AVPR1B: variants seen among roughly 807,000 people sequenced by gnomAD.
AVPR1B encodes the protein vasopressin V1b receptor.
AVPR1B carries 25 observed loss-of-function variants against 27.5 expected under a neutral mutation model. That is an observed-to-expected ratio of 0.91 (90% CI 0.66 to 1.27). AVPR1B has a LOEUF of 1.27. AVPR1B is among the 50% of genes most tolerant of loss of function. The probability of loss-of-function intolerance (pLI) is 0.00; values close to 1 mark genes in which losing one functional copy is unlikely to be tolerated. For missense variants in AVPR1B, 595 were observed against 556.9 expected (o/e 1.07, Z -0.69); for synonymous variants, 248 against 240.2 (o/e 1.03, Z -0.30).
At chr1:206,113,777 T>G (rs1553290165) in intron 1 of AVPR1B, among the ~76,000 whole-genome samples, 3 of 152,184 alleles carry the variant, frequency 2.0e-5, no homozygotes. Flanking sequence ...CCAAGCTCTA[T>G]CTCTCACTAG....
Position 206,110,384 on chromosome 1 carries a change from C to G in AVPR1B, c.1080G>C (p.Gln360His). The change falls in exon 2 of 2, where the codon CAG becomes CAC. Residue 360 changes from glutamine to histidine, a missense_variant. Gln to His is a conservative substitution (Grantham distance 24, BLOSUM62 0). Coordinates refer to ENST00000367126, the MANE Select transcript of AVPR1B (RefSeq NM_000707.5). ...CGGAGAGCCGCCGGCGCATCCTGGGCTGGGGACCCCCACAGCAGGCAAGGT... is the reference window on the plus strand; with the variant it reads ...CGGAGAGCCGCCGGCGCATCCTGGGGTGGGGACCCCCACAGCAGGCAAGGT... ...LRHLACCGGP[Q>H]PRMRRRLSDG... is the part of the protein sequence containing the mutation. 6.2e-7 allele frequency: 1 copy of G among 1,611,880 alleles called. No homozygotes were observed. Among genetic ancestry groups the G allele is most frequent in the Non-Finnish European group, 8.5e-7 (1 of 1,179,284 alleles).
In AVPR1B at chr1:206,110,431, G is replaced by T. The variant is rs1188578991; in HGVS notation, c.1033C>A (p.Leu345Met). ...AGGTGACGCAGGGGCCGCGGTAACA[G>T]GTGGCTGTTGAAGCCCATGTAGATC... ...PWIYMGFNSH[L>M]LPRPLRHLAC... Residue 345 changes from leucine (L) to methionine (M), a missense_variant, in exon 2 of 2, where the codon CTG becomes ATG. Coordinates refer to ENST00000367126, the MANE Select transcript of AVPR1B (RefSeq NM_000707.5). The T allele has an allele frequency of 6.2e-7, 1 of 1,613,870 alleles. No individual in the cohort carries two copies. The highest frequency in any genetic ancestry group is 1.3e-5 in the African/African-American group (1 of 74,928).
rs1663319548 is a variant in AVPR1B, at chr1:206,108,614, C to T, written c.*1575G>A. Among the ~76,000 whole-genome samples, 1 of 152,224 alleles carries T rather than the reference C, an allele frequency of 6.6e-6. No homozygotes were observed. The highest frequency in any genetic ancestry group is 1.5e-5 in the Non-Finnish European group (1 of 68,034). ...ACTTTACAAATGACTTTTATATCCA[C>T]AGTCCTATTTGATTCTCAGAACCAA... is the stretch of plus-strand genomic sequence containing the variant. On this transcript the variant is annotated 3_prime_UTR_variant, in exon 2 of 2. Transcript: ENST00000367126.
intron 1 of AVPR1B, among the ~76,000 whole-genome samples, chr1:206,110,837 T>G (rs1352567771): frequency 2.6e-5 from 4 of 152,202 alleles, no homozygotes; most frequent in Non-Finnish European, 5.9e-5. Flanking sequence ...TCAGCCCAGA[T>G]AGGAGAAACT....
chr1:206,107,339 G>A lies in AVPR1B; in HGVS notation c.*2850C>T, dbSNP rs569656562. Among the ~76,000 whole-genome samples, 4 of 152,298 alleles carry A rather than the reference G, an allele frequency of 2.6e-5. No individual in the cohort carries two copies. Among genetic ancestry groups the A allele is most frequent in the African/African-American group, 9.6e-5 (4 of 41,578 alleles). ...TGGGATTCACCCCAGAGAGCACAGA[G>A]CCTCCTTCTTGCTTCCACAGGGCCC... On this transcript the variant is annotated 3_prime_UTR_variant, in exon 2 of 2. Coordinates refer to ENST00000367126, the MANE Select transcript of AVPR1B (RefSeq NM_000707.5).
At position 206,107,235 on chromosome 1, in the gene AVPR1B, A is replaced by G. The variant is rs782499942; in HGVS notation, c.*2954T>C. On this transcript the variant is annotated 3_prime_UTR_variant, in exon 2 of 2. Transcript: ENST00000367126. ...CTAAAGTACTGTCATTCACAGTCAC[A>G]GGATGGCATAAACAATTTACACAAG... Among the ~76,000 whole-genome samples the G allele has an allele frequency of 6.6e-6, 1 of 152,218 alleles. No individual in the cohort carries two copies. Among genetic ancestry groups the G allele is most frequent in the Non-Finnish European group, 1.5e-5 (1 of 68,044 alleles).
Position 206,107,416 on chromosome 1 carries a change from C to T in AVPR1B, c.*2773G>A, listed in dbSNP as rs943612683. On this transcript the variant is annotated 3_prime_UTR_variant, in exon 2 of 2. Transcript: ENST00000367126. ...CTTCCACTGGCCCAGACTGTCCAGG[C>T]GAGCCTCCTACAGGTCCTGCAGAAC... Among the ~76,000 whole-genome samples the T allele has an allele frequency of 2.0e-5, 3 of 152,122 alleles. No individual in the cohort carries two copies. The highest frequency in any genetic ancestry group is 1.3e-4 in the Admixed American group (2 of 15,274).
Position 206,108,930 on chromosome 1 carries a change from GT to G in AVPR1B, c.*1258del, listed in dbSNP as rs1663323956. Among the ~76,000 whole-genome samples the G allele has an allele frequency of 6.6e-6, 1 of 152,242 alleles. No individual in the cohort carries two copies. Among genetic ancestry groups the G allele is most frequent in the African/African-American group, 2.4e-5 (1 of 41,464 alleles). On this transcript the variant is annotated 3_prime_UTR_variant, in exon 2 of 2. Coordinates refer to ENST00000367126, the MANE Select transcript of AVPR1B (RefSeq NM_000707.5). ...GACAAAAGTGGACAGTATGGCCATG[GT>G]GGGACCCACCGTCACCAGAATTGAG...
In AVPR1B at chr1:206,116,556, T is replaced by C. The variant is rs999982332; in HGVS notation, c.335A>G (p.Tyr112Cys). 1.2e-6 allele frequency: 2 copies of C among 1,614,094 alleles called. No homozygotes were observed. The highest frequency in any genetic ancestry group is 1.3e-5 in the African/African-American group (1 of 75,026). The stretch of plus-strand genomic sequence containing the variant: ...GGCAAACATGCTGAGCACCTGCAGG[T>C]ACTTGACGGCCCTGCACAGGAGGTC... ...GPDLLCRAVK[Y>C]LQVLSMFAST... is the part of the protein sequence containing the mutation. Residue 112 changes from tyrosine to cysteine, a missense_variant, in exon 1 of 2, where the codon TAC becomes TGC. By Grantham distance (194) the Tyr-to-Cys change is radical (BLOSUM62 -2). Coordinates refer to ENST00000367126, the MANE Select transcript of AVPR1B (RefSeq NM_000707.5).
intron 1 of AVPR1B, among the ~76,000 whole-genome samples, chr1:206,114,855 A>G (rs1329790385): frequency 1.3e-5 from 2 of 152,180 alleles, no homozygotes; most frequent in Non-Finnish European, 2.9e-5. Flanking sequence ...TAGAGGTTGG[A>G]TAAAAAGCAG....
At chr1:206,112,440 C>T (rs1553289965) in intron 1 of AVPR1B, among the ~76,000 whole-genome samples, 1 of 152,178 alleles carries the variant, frequency 6.6e-6, no homozygotes. Flanking sequence ...TGATTGGAAG[C>T]TTCCTGAGGC....
chr1:206,111,469 T>A (rs1278533433), intron 1 of AVPR1B, among the ~76,000 whole-genome samples: 1 of 152,214 alleles, frequency 6.6e-6, no homozygotes, highest in African/African-American at 2.4e-5. Flanking sequence ...GTCACCTCAC[T>A]CTTCAGTGGA....
In AVPR1B at chr1:206,108,791, A is replaced by G. The variant is rs1663321406; in HGVS notation, c.*1398T>C. On this transcript the variant is annotated 3_prime_UTR_variant, in exon 2 of 2. Transcript: ENST00000367126. ...AGAATTGGGTTGGGGAAGCTATGCC[A>G]TGATAAAAGTCCCCTGGAGATAATG... Among the ~76,000 whole-genome samples, 1 of 152,260 alleles carries G rather than the reference A, an allele frequency of 6.6e-6. No homozygotes were observed. Among genetic ancestry groups the G allele is most frequent in the Non-Finnish European group, 1.5e-5 (1 of 68,000 alleles).
Position 206,116,139 on chromosome 1 carries a change from G to A in AVPR1B, c.752C>T (p.Ser251Leu). The A allele has an allele frequency of 6.2e-7, 1 of 1,614,106 alleles. No individual in the cohort carries two copies. The highest frequency in any genetic ancestry group is 8.5e-7 in the Non-Finnish European group (1 of 1,179,996). The change falls in exon 1 of 2, where the codon TCA becomes TTA. Residue 251 changes from serine to leucine, a missense_variant. By Grantham distance (145) the Ser-to-Leu change is moderately radical (BLOSUM62 -2). Coordinates refer to ENST00000367126, the MANE Select transcript of AVPR1B (RefSeq NM_000707.5). ...GGGWRTWDRP[S>L]PSTLAATTRG... ...AGTGGTGGCAGCTAAGGTGGAAGGTGAGGGCCTGTCCCAAGTCCTCCAGCC... is the reference window on the plus strand; with the variant it reads ...AGTGGTGGCAGCTAAGGTGGAAGGTAAGGGCCTGTCCCAAGTCCTCCAGCC...
In AVPR1B at chr1:206,110,379, C is replaced by T; in HGVS notation, c.1085G>A (p.Arg362Lys). 6.2e-7 allele frequency: 1 copy of T among 1,611,682 alleles called. No homozygotes were observed. The highest frequency in any genetic ancestry group is 1.7e-4 in the Middle Eastern group (1 of 6,052). ...HLACCGGPQP[R>K]MRRRLSDGSL... The stretch of plus-strand genomic sequence containing the variant: ...GCCGTCGGAGAGCCGCCGGCGCATC[C>T]TGGGCTGGGGACCCCCACAGCAGGC... Residue 362 changes from arginine (R) to lysine (K), a missense_variant, in exon 2 of 2, where the codon AGG becomes AAG. Coordinates refer to ENST00000367126, the MANE Select transcript of AVPR1B (RefSeq NM_000707.5).
chr1:206,110,266 T>A lies in AVPR1B; in HGVS notation c.1198A>T (p.Arg400Trp), dbSNP rs1663348805. 1 of 1,614,010 alleles carries A rather than the reference T, an allele frequency of 6.2e-7. No homozygotes were observed. Among genetic ancestry groups the A allele is most frequent in the African/African-American group, 1.3e-5 (1 of 75,020 alleles). Residue 400 changes from arginine (R) to tryptophan (W), a missense_variant, in exon 2 of 2, where the codon AGG becomes TGG. Coordinates refer to ENST00000367126, the MANE Select transcript of AVPR1B (RefSeq NM_000707.5). ...SLSLSLTLSG[R>W]PRPEESPRDL... The stretch of plus-strand genomic sequence containing the variant: ...CTTGGTGACTCTTCAGGCCTGGGCC[T>A]CCCACTGAGGGTTAGGCTGAGGCTG...
At chr1:206,111,723 T>G (rs1275535815) in intron 1 of AVPR1B, among the ~76,000 whole-genome samples, 4 of 152,182 alleles carry the variant, frequency 2.6e-5, no homozygotes, top group Non-Finnish European at 5.9e-5. Flanking sequence ...AGGGGCATGC[T>G]CGTGGATGTG....
In AVPR1B at chr1:206,116,275, C is replaced by G. The variant is rs1558185864; in HGVS notation, c.616G>C (p.Ala206Pro). The change falls in exon 1 of 2, where the codon GCT becomes CCT. Residue 206 changes from alanine to proline, a missense_variant. Coordinates refer to ENST00000367126, the MANE Select transcript of AVPR1B (RefSeq NM_000707.5). ...PRAYLTWTTL[A>P]IFVLPVTMLT... ...ATGGTCACCGGCAGAACGAAGATAGCCAGGGTGGTCCAGGTGAGGTAGGCC... is the reference window on the plus strand; with the variant it reads ...ATGGTCACCGGCAGAACGAAGATAGGCAGGGTGGTCCAGGTGAGGTAGGCC... 1.2e-6 allele frequency: 2 copies of G among 1,613,594 alleles called. No individual in the cohort carries two copies. Among genetic ancestry groups the G allele is most frequent in the Non-Finnish European group, 1.7e-6 (2 of 1,180,040 alleles).
rs1553290419 is a variant in AVPR1B, at chr1:206,115,958, A to G, written c.933T>C (p.Pro311=). 9.4e-6 allele frequency: 15 copies of G among 1,596,980 alleles called. No individual in the cohort carries two copies. The highest frequency in any genetic ancestry group is 1.3e-5 in the Non-Finnish European group (15 of 1,168,246). Residue 311 remains proline (P), a synonymous_variant, in exon 1 of 2, where the codon CCT becomes CCC. Coordinates refer to ENST00000367126, the MANE Select transcript of AVPR1B (RefSeq NM_000707.5). ...CACATAGACCCCACTTGCCTTCATCAGGGGCATTCTTGTCCCACACGGACC... is the reference window on the plus strand; with the variant it reads ...CACATAGACCCCACTTGCCTTCATCGGGGGCATTCTTGTCCCACACGGACC... ...QMWSVWDKNA[P]DEDSTNVAFT... is the part of the protein sequence containing the mutation.
Sources: allele counts gnomAD v4.1 joint callset (sites outside exome capture counted in the v4.1 genomes callset), GRCh38; gene constraint gnomAD v4.1.1; transcripts MANE v1.5; gene names NCBI Gene and HGNC (gene_info 2026-07-23, HGNC 2026-07-21).